Variants in SAMD5 observed in about 807,000 individuals in gnomAD.
The protein encoded by SAMD5 is sterile alpha motif domain-containing protein 5.
A neutral mutation model predicts 11.3 loss-of-function variants in SAMD5; 13 were observed. That is an observed-to-expected ratio of 1.15 (90% CI 0.75 to 1.83). The LOEUF is 1.83. SAMD5 is among the 40% of genes most tolerant of loss of function. The pLI, the probability that SAMD5 is intolerant of heterozygous loss-of-function variation, is 0.00. For missense variants in SAMD5, 255 were observed against 239.1 expected (o/e 1.07, Z -0.44); for synonymous variants, 129 against 111.3 (o/e 1.16, Z -1.00).
rs549576818 is a variant in SAMD5 at position 147,643,267 on chromosome 6, C to T, written c.163-94050C>T. Among the ~76,000 whole-genome samples, 11 of 151,940 alleles carry T rather than the reference C, an allele frequency of 7.2e-5. 1 individual carries two copies. The East Asian group carries it at 2.1e-3, about 29-fold the overall frequency. ...ACTCAAATATGCTTTTTTTTATGGG[C>T]TTCAGTGTTCCATTAATTTTTAAAG... On this transcript the variant is annotated intron_variant, in intron 1 of 1. Transcript: ENST00000566741.
the SAMD5 span, among the ~76,000 whole-genome samples, chr6:147,897,249 A>G: frequency 6.6e-6 from 1 of 152,148 alleles, no homozygotes; most frequent in Non-Finnish European, 1.5e-5. Flanking sequence ...GCAGGTTTAG[A>G]CACAAACTAG....
chr6:147,677,697 C>CG (rs1790883701), intron 1 of SAMD5, among the ~76,000 whole-genome samples: 1 of 151,778 alleles, frequency 6.6e-6, no homozygotes, highest in Non-Finnish European at 1.5e-5. Flanking sequence ...GGATGGCGGG[C>CG]GGGGGCTTGG....
the SAMD5 span, among the ~76,000 whole-genome samples, chr6:147,939,281 G>A: frequency 2.6e-5 from 4 of 152,116 alleles, no homozygotes; most frequent in African/African-American, 7.2e-5. Flanking sequence ...TTTTGTGGAG[G>A]TTTTGTTATG....
At chr6:147,934,743 T>G in the SAMD5 span, among the ~76,000 whole-genome samples, 1 of 152,096 alleles carries the variant, frequency 6.6e-6, no homozygotes, top group Non-Finnish European at 1.5e-5. Context: ...CCTCAGGCTC[T>G]CATGGGGATT....
At chr6:147,737,281 CTTAA>C (rs1244131633) in intron 1 of SAMD5, 1 of 1,187,776 alleles carries the variant, frequency 8.4e-7, no homozygotes, top group East Asian at 6.2e-5. Context: ...CTGGGCAACA[CTTAA>C]TTAAACTTCA....
chr6:147,858,295 A>G, the SAMD5 span, among the ~76,000 whole-genome samples: 2 of 152,184 alleles, frequency 1.3e-5, no homozygotes, highest in African/African-American at 2.4e-5. Context: ...GTCCACTCCC[A>G]TAAGTGCTAG....
the SAMD5 span, among the ~76,000 whole-genome samples, chr6:147,803,388 A>T: frequency 6.6e-6 from 1 of 152,172 alleles, no homozygotes; most frequent in South Asian, 2.1e-4. Context: ...TCACCTGGAC[A>T]TCACATTGGT....
chr6:147,881,734 G>T, the SAMD5 span, among the ~76,000 whole-genome samples: 2 of 152,146 alleles, frequency 1.3e-5, no homozygotes, highest in African/African-American at 4.8e-5. Context: ...GCCAAAATCG[G>T]CTCCTTGCGA....
chr6:147,631,270 G>A (rs1375138640), intron 1 of SAMD5, among the ~76,000 whole-genome samples: 3 of 152,154 alleles, frequency 2.0e-5, no homozygotes, highest in Admixed American at 6.5e-5. Context: ...AATAAGAGAA[G>A]GCGAAAAACA....
the SAMD5 span, among the ~76,000 whole-genome samples, chr6:147,919,319 G>A: frequency 4.9e-4 from 74 of 152,262 alleles, no homozygotes; most frequent in South Asian, 2.1e-3. Context: ...TTTTTGTCAT[G>A]GTGAGGTTCA....
chr6:147,640,497 C>CAAAAAAAAAA (rs1172694444), intron 1 of SAMD5, among the ~76,000 whole-genome samples: 9 of 24,188 alleles, frequency 3.7e-4, no homozygotes, highest in East Asian at 1.9e-3. Flanking sequence ...GACTCTGTCG[C>CAAAAAAAAAA]AAAAAAAAAA....
chr6:147,764,358 A>G, the SAMD5 span, among the ~76,000 whole-genome samples: 1 of 152,274 alleles, frequency 6.6e-6, no homozygotes, highest in Admixed American at 6.5e-5. Flanking sequence ...TACTTTTATT[A>G]TTGAATTCTT....
chr6:147,587,160 C>T (rs1789385724), intron 1 of SAMD5, among the ~76,000 whole-genome samples: 1 of 152,134 alleles, frequency 6.6e-6, no homozygotes, highest in South Asian at 2.1e-4. Flanking sequence ...ATGTCTTTCT[C>T]ATCACTATAT....
the SAMD5 span, among the ~76,000 whole-genome samples, chr6:147,786,228 A>G: frequency 1.0e-3 from 159 of 152,320 alleles, 1 homozygote; most frequent in African/African-American, 3.7e-3. Context: ...TGACCTTTAT[A>G]TCAACTAAAA....
chr6:147,656,899 C>CGTGTGTGTGT lies in SAMD5; in HGVS notation c.163-80393_163-80384dup, dbSNP rs55906300. 9.6e-3 allele frequency among the ~76,000 whole-genome samples: 1,430 copies of CGTGTGTGTGT among 149,150 alleles called. 17 individuals are homozygous for CGTGTGTGTGT. Among genetic ancestry groups the CGTGTGTGTGT allele is most frequent in the Admixed American group, 0.026 (390 of 14,862 alleles). ...GATAAACCTCCAACAATACAGTATA[C>CGTGTGTGTGT]GTGTGTGTGTGTGTGTGTGTGTGTG... On this transcript the variant is annotated intron_variant, in intron 1 of 1. Transcript: ENST00000566741.
the SAMD5 span, among the ~76,000 whole-genome samples, chr6:147,761,724 A>T: frequency 1.3e-5 from 2 of 151,850 alleles, no homozygotes; most frequent in Non-Finnish European, 2.9e-5. Context: ...TTTATTTTTT[A>T]TTTTTTTGAG....
intron 1 of SAMD5, among the ~76,000 whole-genome samples, chr6:147,541,785 C>G (rs545685613): frequency 1.3e-5 from 2 of 152,178 alleles, no homozygotes; most frequent in African/African-American, 4.8e-5. Context: ...TCCTATTCTC[C>G]GTCTGAGAAA....
At chr6:147,695,733 A>G (rs1204325313) in intron 1 of SAMD5, among the ~76,000 whole-genome samples, 2 of 152,160 alleles carry the variant, frequency 1.3e-5, no homozygotes, top group Non-Finnish European at 2.9e-5. Context: ...AAGCTAGTAA[A>G]CTCTCCAGAC....
chr6:147,545,052 C>CA (rs1014429082), intron 1 of SAMD5, among the ~76,000 whole-genome samples: 2 of 152,076 alleles, frequency 1.3e-5, no homozygotes, highest in Non-Finnish European at 2.9e-5. Flanking sequence ...AAAAATGATT[C>CA]AAAATGCACC....
Sources: gnomAD v4.1 joint callset for allele counts (sites outside exome capture counted in the v4.1 genomes callset) on GRCh38, gnomAD v4.1.1 for gene constraint, MANE v1.5 for transcripts, NCBI Gene and HGNC (gene_info 2026-07-23, HGNC 2026-07-21) for gene names.